Variants in PLXDC2 observed in about 807,000 individuals in gnomAD.
PLXDC2 encodes plexin domain containing 2, also known as plexin domain-containing protein 2.
A neutral mutation model predicts 68.9 loss-of-function variants in PLXDC2; 40 were observed. That is an observed-to-expected ratio of 0.58 (90% CI 0.45 to 0.76). The LOEUF is 0.76. PLXDC2 is among the 30% of genes least tolerant of loss of function. PLXDC2 has a pLI of 0.00. For synonymous variants in PLXDC2, 243 were observed against 234.2 expected (o/e 1.04, Z -0.34); for missense variants, 644 against 661.9 (o/e 0.97, Z 0.30).
intron 5 of PLXDC2, among the ~76,000 whole-genome samples, chr10:20,145,340 C>T (rs1187897828): frequency 6.6e-6 from 1 of 152,056 alleles, no homozygotes; most frequent in Non-Finnish European, 1.5e-5. Context: ...CTTCACGAAG[C>T]CCTTTTAATA....
intron 6 of PLXDC2, among the ~76,000 whole-genome samples, chr10:20,164,085 G>C (rs1564338724): frequency 6.6e-6 from 1 of 151,778 alleles, no homozygotes; most frequent in Non-Finnish European, 1.5e-5. Context: ...ATACAGTAAA[G>C]TTTTTTTTCA....
At chr10:19,843,584 G>A (rs985591881) in intron 1 of PLXDC2, among the ~76,000 whole-genome samples, 16 of 152,168 alleles carry the variant, frequency 1.1e-4, no homozygotes, top group Non-Finnish European at 1.8e-4. Flanking sequence ...ATACACAATA[G>A]TTATCTGAAA....
chr10:20,089,161 T>C (rs948536175), intron 4 of PLXDC2, among the ~76,000 whole-genome samples: 28 of 145,172 alleles, frequency 1.9e-4, no homozygotes, highest in African/African-American at 6.0e-4. Context: ...AAAAAAAACC[T>C]GTATATACGT....
intron 1 of PLXDC2, among the ~76,000 whole-genome samples, chr10:19,855,369 T>C (rs1358495768): frequency 1.3e-5 from 2 of 152,114 alleles, no homozygotes; most frequent in African/African-American, 4.8e-5. Flanking sequence ...CCTTAGATAT[T>C]TTTATTTATG....
intron 1 of PLXDC2, among the ~76,000 whole-genome samples, chr10:19,966,446 A>AATAT (rs1241649225): frequency 2.0e-3 from 128 of 62,526 alleles, no homozygotes; most frequent in African/African-American, 3.3e-3. Context: ...ATATATATAA[A>AATAT]ACATGTGTGT....
chr10:19,866,908 C>G (rs1322986324), intron 1 of PLXDC2, among the ~76,000 whole-genome samples: 2 of 152,062 alleles, frequency 1.3e-5, no homozygotes, highest in Non-Finnish European at 2.9e-5. Flanking sequence ...CTTTGATTTG[C>G]AATTGGTCAA....
intron 1 of PLXDC2, among the ~76,000 whole-genome samples, chr10:19,873,242 T>C (rs1837573573): frequency 1.3e-5 from 2 of 152,134 alleles, no homozygotes; most frequent in Admixed American, 1.3e-4. Flanking sequence ...AAAACTCTTC[T>C]ATGGGATGCT....
chr10:19,845,575 C>T (rs1214065714), intron 1 of PLXDC2, among the ~76,000 whole-genome samples: 1 of 152,042 alleles, frequency 6.6e-6, no homozygotes, highest in African/African-American at 2.4e-5. Flanking sequence ...CTTAGCTTTC[C>T]CCAGAAAATA....
At chr10:20,228,140 C>A (rs947611267) in intron 12 of PLXDC2, among the ~76,000 whole-genome samples, 1 of 152,050 alleles carries the variant, frequency 6.6e-6, no homozygotes, top group African/African-American at 2.4e-5. Context: ...TGTCAGTAGG[C>A]ATTTTTCTAT....
chr10:19,923,801 T>C (rs1833498617), intron 1 of PLXDC2, among the ~76,000 whole-genome samples: 1 of 152,222 alleles, frequency 6.6e-6, no homozygotes, highest in Non-Finnish European at 1.5e-5. Flanking sequence ...CAGTGGCTCA[T>C]GCCTGTAATC....
chr10:20,245,379 G>T lies in PLXDC2; in HGVS notation c.1347G>T (p.Gly449=), dbSNP rs562719695. Residue 449 remains glycine, a synonymous_variant, in exon 13 of 14, where the codon GGG becomes GGT. Transcript: ENST00000377252. ...ATGACAGTGCAGCTGAGAAGAAAGG[G>T]GGAACCCTCCACGCTGGCCTCATCA... ...STDDSAAEKK[G]GTLHAGLIIG... 1 of 1,613,758 alleles carries T rather than the reference G, an allele frequency of 6.2e-7. No homozygotes were observed. Among genetic ancestry groups the T allele is most frequent in the Admixed American group, 1.7e-5 (1 of 59,988 alleles).
At chr10:20,263,030 C>T (rs1024488114) in intron 13 of PLXDC2, among the ~76,000 whole-genome samples, 2 of 152,182 alleles carry the variant, frequency 1.3e-5, no homozygotes, top group African/African-American at 2.4e-5. Flanking sequence ...ACCCTAAGTA[C>T]CTTATTCACA....
At chr10:20,187,319 T>A (rs1564346244) in intron 9 of PLXDC2, among the ~76,000 whole-genome samples, 1 of 151,844 alleles carries the variant, frequency 6.6e-6, no homozygotes, top group Non-Finnish European at 1.5e-5. Flanking sequence ...TTCTCAAAAT[T>A]TCTTTTTTGT....
intron 3 of PLXDC2, among the ~76,000 whole-genome samples, chr10:20,059,148 G>A (rs941518176): frequency 6.6e-6 from 1 of 152,146 alleles, no homozygotes; most frequent in African/African-American, 2.4e-5. Flanking sequence ...GAACTCTCTT[G>A]ACTTGCTTCT....
At chr10:20,017,260 A>C (rs1434183887) in intron 2 of PLXDC2, among the ~76,000 whole-genome samples, 1 of 152,142 alleles carries the variant, frequency 6.6e-6, no homozygotes, top group Non-Finnish European at 1.5e-5. Flanking sequence ...CTAGGGGGGC[A>C]GGGGCCACTG....
Position 20,281,111 on chromosome 10 carries a change from T to A in PLXDC2, c.*1292T>A, listed in dbSNP as rs1588559801. On this transcript the variant is annotated 3_prime_UTR_variant, in exon 14 of 14. Transcript: ENST00000377252. ...GTTCAGTTCATTGCCGCGCCCATCATGTTCTTGACTATTTGATCCACTTTT... is the reference window on the plus strand; with the variant it reads ...GTTCAGTTCATTGCCGCGCCCATCAAGTTCTTGACTATTTGATCCACTTTT... 1 of 152,122 alleles carries A rather than the reference T, an allele frequency of 6.6e-6. No homozygotes were observed. The highest frequency in any genetic ancestry group is 2.4e-5 in the African/African-American group (1 of 41,430). 9.4% of individuals were successfully genotyped at this position (152,122 alleles called of 1,614,324 possible).
intron 1 of PLXDC2, among the ~76,000 whole-genome samples, chr10:19,940,290 A>G (rs1833796770): frequency 6.6e-6 from 1 of 152,088 alleles, no homozygotes; most frequent in Admixed American, 6.6e-5. Context: ...ATACTCTAAT[A>G]AAAAAAATTT....
At position 20,279,895 on chromosome 10, in the gene PLXDC2, A is replaced by G. The variant is rs369310318; in HGVS notation, c.*76A>G. 1.9e-6 allele frequency: 2 copies of G among 1,042,216 alleles called. No homozygotes were observed. The highest frequency in any genetic ancestry group is 2.4e-5 in the East Asian group (1 of 41,832). 64.6% of individuals were successfully genotyped at this position (1,042,216 alleles called of 1,614,324 possible). On this transcript the variant is annotated 3_prime_UTR_variant, in exon 14 of 14. Coordinates refer to ENST00000377252, the MANE Select transcript of PLXDC2 (RefSeq NM_032812.9). ...AAATTTTGCCTATACCTTTAAGACA[A>G]ACAAACAAACACACACACAAACAAG... is the stretch of plus-strand genomic sequence containing the variant.
chr10:20,026,227 G>GT (rs1381261181), intron 2 of PLXDC2, among the ~76,000 whole-genome samples: 83 of 150,362 alleles, frequency 5.5e-4, no homozygotes, highest in African/African-American at 1.7e-3. Context: ...AGAGACTATG[G>GT]TTTTTTTTTT....
Sources: allele counts gnomAD v4.1 joint callset (sites outside exome capture counted in the v4.1 genomes callset), GRCh38; gene constraint gnomAD v4.1.1; transcripts MANE v1.5; gene names NCBI Gene and HGNC (gene_info 2026-07-23, HGNC 2026-07-21).